The following B3GALT1 variants were observed in gnomAD, a reference collection of about 807,000 sequenced individuals.
The protein encoded by B3GALT1 is beta-1,3-galactosyltransferase 1.
Under a neutral mutation model 23.2 loss-of-function variants are expected in B3GALT1, and 10 were observed. The ratio of observed to expected loss-of-function variants is 0.43; its 90% CI spans 0.27 to 0.73. The LOEUF is 0.73. B3GALT1 is among the 30% of genes least tolerant of loss of function. The pLI is 0.21. For synonymous variants in B3GALT1, 156 were observed against 141.5 expected (o/e 1.10, Z -0.73); for missense variants, 299 against 405.4 (o/e 0.74, Z 2.25).
intron 1 of B3GALT1, among the ~76,000 whole-genome samples, chr2:167,340,245 T>A (rs952300924): frequency 6.7e-6 from 1 of 149,530 alleles, no homozygotes; most frequent in African/African-American, 2.5e-5. Context: ...CTTAAAAATC[T>A]GAACGTATTT....
intron 1 of B3GALT1, among the ~76,000 whole-genome samples, chr2:167,468,084 A>T (rs990209349): frequency 1.3e-5 from 2 of 152,180 alleles, no homozygotes; most frequent in Admixed American, 1.3e-4. Context: ...AAGGGCCATG[A>T]AACAGTGAAA....
intron 1 of B3GALT1, among the ~76,000 whole-genome samples, chr2:167,305,000 A>G (rs1339560461): frequency 2.0e-5 from 3 of 152,126 alleles, no homozygotes; most frequent in Admixed American, 2.0e-4. Context: ...CTCACCCTCA[A>G]AGGATTGCAT....
At chr2:167,513,819 C>G (rs536336410) in intron 2 of B3GALT1, among the ~76,000 whole-genome samples, 4 of 152,184 alleles carry the variant, frequency 2.6e-5, no homozygotes, top group Non-Finnish European at 4.4e-5. Context: ...CAGATGTACA[C>G]TCTTCAGTTT....
intron 2 of B3GALT1, among the ~76,000 whole-genome samples, chr2:167,577,958 A>G (rs2105404984): frequency 6.6e-6 from 1 of 152,108 alleles, no homozygotes. Flanking sequence ...TAACTTGTCA[A>G]GTTGTCCTTG....
At chr2:167,630,897 T>A (rs1439205069) in intron 2 of B3GALT1, among the ~76,000 whole-genome samples, 3 of 151,600 alleles carry the variant, frequency 2.0e-5, no homozygotes, top group Non-Finnish European at 4.4e-5. Context: ...ACTTTCTTGC[T>A]CCTTATTTCT....
chr2:167,600,928 A>T (rs1017842695), intron 2 of B3GALT1, among the ~76,000 whole-genome samples: 3 of 152,180 alleles, frequency 2.0e-5, no homozygotes, highest in African/African-American at 7.2e-5. Context: ...GTATAAACAT[A>T]GGAGTAGAAG....
rs140993896 is a variant in B3GALT1 at position 167,524,890 on chromosome 2, C to T, written c.-410+34613C>T. Among the ~76,000 whole-genome samples, 102 of 152,262 alleles carry T rather than the reference C, an allele frequency of 6.7e-4. 2 individuals are homozygous for T. In the East Asian group the frequency reaches 0.019, roughly 29 times the overall value. On this transcript the variant is annotated intron_variant, in intron 2 of 4. Transcript: ENST00000392690. Reference sequence around the variant, plus strand: ...CATATCAGTATGTCTAAAGTCATATCATTCTTTTTAGCAGCTATGTGGTAT... The same window carrying T: ...CATATCAGTATGTCTAAAGTCATATTATTCTTTTTAGCAGCTATGTGGTAT...
At chr2:167,696,842 C>T (rs1400130902) in intron 3 of B3GALT1, among the ~76,000 whole-genome samples, 1 of 152,168 alleles carries the variant, frequency 6.6e-6, no homozygotes, top group Non-Finnish European at 1.5e-5. Context: ...TTGGCAGCAA[C>T]AGCTGTTGAT....
chr2:167,636,663 G>T (rs1685561107), intron 2 of B3GALT1, among the ~76,000 whole-genome samples: 1 of 152,108 alleles, frequency 6.6e-6, no homozygotes, highest in East Asian at 1.9e-4. Context: ...TCATAAAAAA[G>T]GATACGTTCA....
At chr2:167,367,495 A>G (rs1697607372) in intron 1 of B3GALT1, among the ~76,000 whole-genome samples, 2 of 152,194 alleles carry the variant, frequency 1.3e-5, no homozygotes, top group African/African-American at 4.8e-5. Flanking sequence ...GTAGAAATCA[A>G]TTCTATTGCA....
intron 2 of B3GALT1, among the ~76,000 whole-genome samples, chr2:167,526,235 C>T (rs1683218325): frequency 6.6e-6 from 1 of 152,016 alleles, no homozygotes. Flanking sequence ...CTGTATCTAT[C>T]CCTCTGTTTA....
At chr2:167,813,147 T>G (rs930467897) in intron 3 of B3GALT1, among the ~76,000 whole-genome samples, 1 of 152,198 alleles carries the variant, frequency 6.6e-6, no homozygotes, top group Non-Finnish European at 1.5e-5. Context: ...ATAACACAGT[T>G]TTTTTGAATG....
chr2:167,551,914 C>T (rs1683754589), intron 2 of B3GALT1, among the ~76,000 whole-genome samples: 1 of 152,070 alleles, frequency 6.6e-6, no homozygotes, highest in Non-Finnish European at 1.5e-5. Flanking sequence ...AGAGCTGGGT[C>T]CTTACATTAT....
At chr2:167,793,253 T>G (rs1022998495) in intron 3 of B3GALT1, among the ~76,000 whole-genome samples, 1 of 152,108 alleles carries the variant, frequency 6.6e-6, no homozygotes, top group Non-Finnish European at 1.5e-5. Context: ...GTGCACCTAG[T>G]GCTTCTTTTT....
At chr2:167,579,833 C>A (rs1684452881) in intron 2 of B3GALT1, among the ~76,000 whole-genome samples, 2 of 152,076 alleles carry the variant, frequency 1.3e-5, no homozygotes, top group African/African-American at 2.4e-5. Flanking sequence ...TCTTTAAAGT[C>A]CCTCACCTTT....
chr2:167,480,629 C>T (rs1184141785), intron 1 of B3GALT1, among the ~76,000 whole-genome samples: 1 of 152,128 alleles, frequency 6.6e-6, no homozygotes, highest in African/African-American at 2.4e-5. Flanking sequence ...ACGAAACCAC[C>T]ACAGGTGGGG....
At chr2:167,618,847 A>C (rs1309417078) in intron 2 of B3GALT1, among the ~76,000 whole-genome samples, 1 of 152,158 alleles carries the variant, frequency 6.6e-6, no homozygotes, top group East Asian at 1.9e-4. Flanking sequence ...TTCTTAGTGC[A>C]TCAAGAACCA....
Position 167,663,565 on chromosome 2 carries a change from A to C in B3GALT1, c.-352+16599A>C, listed in dbSNP as rs1234121921. Among the ~76,000 whole-genome samples, 410 of 151,626 alleles carry C rather than the reference A, an allele frequency of 2.7e-3. 6 individuals carry two copies. Among genetic ancestry groups the C allele is most frequent in the South Asian group, 0.025 (120 of 4,766 alleles). ...ACTTCCACAATGGTTGAACTAGTTT[A>C]CAGTCCCACCAACAGTGTAAAAGTG... On this transcript the variant is annotated intron_variant, in intron 3 of 4. Transcript: ENST00000392690.
chr2:167,352,070 C>A (rs1289659251), intron 1 of B3GALT1, among the ~76,000 whole-genome samples: 1 of 151,594 alleles, frequency 6.6e-6, no homozygotes, highest in East Asian at 1.9e-4. Flanking sequence ...AATGATTCCC[C>A]TGCCTCAGCC....
Sources: allele counts gnomAD v4.1 joint callset (sites outside exome capture counted in the v4.1 genomes callset), GRCh38; gene constraint gnomAD v4.1.1; transcripts MANE v1.5; gene names NCBI Gene and HGNC (gene_info 2026-07-23, HGNC 2026-07-21).